The following ABHD3 variants were observed in gnomAD, a reference collection of about 807,000 sequenced individuals.
ABHD3 encodes the protein phospholipase ABHD3.
ABHD3 carries 46 observed loss-of-function variants against 48.8 expected under a neutral mutation model. That is an observed-to-expected ratio of 0.94 (90% CI 0.74 to 1.20). ABHD3 has a LOEUF of 1.20. ABHD3 is among the 50% of genes most tolerant of loss of function. The pLI, the probability that ABHD3 is intolerant of heterozygous loss-of-function variation, is 0.00. For missense variants in ABHD3, 490 were observed against 497.8 expected, an observed-to-expected ratio of 0.98 and a Z score of 0.15; for synonymous variants, 192 against 183.7, an observed-to-expected ratio of 1.04 and a Z score of -0.36.
chr18:21,656,829 T>C lies in ABHD3; in HGVS notation c.1057+32A>G, dbSNP rs778872781. ...TAACAATATATTAAAAGTTGATTCA[T>C]GTCAAAATATATACAAATATGTTAA... On this transcript the variant is annotated intron_variant, in intron 8 of 8. Transcript: ENST00000289119. 7.2e-6 allele frequency: 11 copies of C among 1,525,458 alleles called. No homozygotes were observed. The Admixed American group carries it at 2.1e-4, about 29-fold the overall frequency. 94.5% of individuals were successfully genotyped at this position (1,525,458 alleles called of 1,614,324 possible).
chr18:21,681,001 T>C (rs1161803400), intron 4 of ABHD3, among the ~76,000 whole-genome samples: 1 of 151,972 alleles, frequency 6.6e-6, no homozygotes, highest in East Asian at 1.9e-4. Context: ...GTGTTGGGAT[T>C]GCAGGTGTGA....
intron 3 of ABHD3, among the ~76,000 whole-genome samples, chr18:21,690,760 C>T (rs2040232670): frequency 1.3e-5 from 2 of 151,302 alleles, no homozygotes; most frequent in African/African-American, 2.4e-5. Context: ...TTTGGGAGGC[C>T]GAGGCAGGTG....
Position 21,656,748 on chromosome 18 carries a change from G to A in ABHD3, c.1057+113C>T, listed in dbSNP as rs916424345. ...TTAGATACTGTGTTATGAGTATCTA[G>A]TTTTTTTATCATAATGGAAATGACA... On this transcript the variant is annotated intron_variant, in intron 8 of 8. Transcript: ENST00000289119. 3.7e-6 allele frequency: 4 copies of A among 1,090,366 alleles called. No individual in the cohort carries two copies. In the African/African-American group the frequency reaches 6.4e-5, roughly 17 times the overall value. 67.5% of individuals were successfully genotyped at this position (1,090,366 alleles called of 1,614,324 possible). A position where few individuals can be genotyped will look rare whatever the true frequency, so the allele number is the denominator to read the frequency against.
chr18:21,691,359 G>C (rs1350700203), intron 3 of ABHD3, among the ~76,000 whole-genome samples: 1 of 152,122 alleles, frequency 6.6e-6, no homozygotes, highest in African/African-American at 2.4e-5. Context: ...AGATAAAAGT[G>C]AGCTATAGTC....
chr18:21,700,702 C>T (rs932971996), intron 3 of ABHD3, among the ~76,000 whole-genome samples: 15 of 151,892 alleles, frequency 9.9e-5, no homozygotes, highest in African/African-American at 3.4e-4. Context: ...ACCTGGCCCA[C>T]GTTGTTTTTA....
At chr18:21,659,962 CTTTT>C (rs60634505) in intron 5 of ABHD3, among the ~76,000 whole-genome samples, 2 of 73,860 alleles carry the variant, frequency 2.7e-5, no homozygotes, top group Admixed American at 1.8e-4. Flanking sequence ...TGCACCCGGC[CTTTT>C]TTTTTTTTTT....
chr18:21,666,789 T>C (rs2039641746), intron 4 of ABHD3, among the ~76,000 whole-genome samples: 1 of 152,208 alleles, frequency 6.6e-6, no homozygotes, highest in African/African-American at 2.4e-5. Context: ...ATAAGGGCTC[T>C]GTTTATAGCA....
chr18:21,654,221 AT>A lies in ABHD3; in HGVS notation c.1058-2459del, dbSNP rs1367925070. ...CAACAGAGCAAGATCCTGTCTCCAA[AT>A]ATATATATATAATGTGATTGATGCA... On this transcript the variant is annotated intron_variant, in intron 8 of 8. Transcript: ENST00000289119. Among the ~76,000 whole-genome samples, 20 of 151,626 alleles carry A rather than the reference AT, an allele frequency of 1.3e-4. No homozygotes were observed. In the East Asian group the frequency reaches 3.9e-3, roughly 29 times the overall value.
chr18:21,686,760 G>A (rs1323717688), intron 3 of ABHD3, among the ~76,000 whole-genome samples: 1 of 152,162 alleles, frequency 6.6e-6, no homozygotes, highest in Non-Finnish European at 1.5e-5. Flanking sequence ...CAGAAAGAAG[G>A]CTGCCATCCT....
intron 3 of ABHD3, among the ~76,000 whole-genome samples, chr18:21,700,607 C>T (rs1272764228): frequency 6.6e-6 from 1 of 150,556 alleles, no homozygotes; most frequent in Non-Finnish European, 1.5e-5. Context: ...ACCATGTTGG[C>T]CAAGTTGGTC....
intron 3 of ABHD3, among the ~76,000 whole-genome samples, chr18:21,685,113 T>G (rs1335321536): frequency 6.6e-6 from 1 of 152,230 alleles, no homozygotes; most frequent in Non-Finnish European, 1.5e-5. Context: ...GACAAAATCT[T>G]GATTTGTGTC....
chr18:21,696,589 G>A (rs548881650), intron 3 of ABHD3, among the ~76,000 whole-genome samples: 3 of 152,266 alleles, frequency 2.0e-5, no homozygotes, highest in East Asian at 3.9e-4. Context: ...GAATGGTAAA[G>A]TTTCTAACTA....
chr18:21,680,880 GTA>G (rs781349840), intron 4 of ABHD3, among the ~76,000 whole-genome samples: 143 of 147,232 alleles, frequency 9.7e-4, no homozygotes, highest in African/African-American at 2.5e-3. Context: ...GTGTGTGTGT[GTA>G]TATATATATA....
intron 5 of ABHD3, among the ~76,000 whole-genome samples, chr18:21,662,909 A>G (rs1318993893): frequency 1.3e-5 from 2 of 152,216 alleles, no homozygotes; most frequent in Non-Finnish European, 2.9e-5. Flanking sequence ...CGTTTATATG[A>G]TTAAGGGAAA....
rs145138728 is a variant in ABHD3 at position 21,656,962 on chromosome 18, T to C, written c.956A>G (p.Asp319Gly). 8.6e-5 allele frequency: 139 copies of C among 1,614,114 alleles called. 1 individual carries two copies. In the African/African-American group the frequency reaches 1.7e-3, roughly 19 times the overall value. ...TSVMFGYQTIDDYYTDASPSP... is the reference protein window; with the variant it reads ...TSVMFGYQTIGDYYTDASPSP... ...CGGACTGGCATCAGTATAATAATCA[T>C]CAATTGTTTGGTATCCAAACATGAC... Residue 319 changes from aspartate to glycine, a missense_variant, in exon 8 of 9, where the codon GAT becomes GGT. By Grantham distance (94) the Asp-to-Gly change is moderately conservative. Coordinates refer to ENST00000289119, the MANE Select transcript of ABHD3 (RefSeq NM_138340.5).
Position 21,694,558 on chromosome 18 carries a change from AGT to A in ABHD3, c.509+7756_509+7757del, listed in dbSNP as rs1491452212. Among the ~76,000 whole-genome samples, 10 of 152,352 alleles carry A rather than the reference AGT, an allele frequency of 6.6e-5. No individual in the cohort carries two copies. In the East Asian group the frequency reaches 1.9e-3, roughly 29 times the overall value. On this transcript the variant is annotated intron_variant, in intron 3 of 8. Coordinates refer to ENST00000289119, the MANE Select transcript of ABHD3 (RefSeq NM_138340.5). ...TTCTGTCAAACCATACCAAAAAATT[AGT>A]TTTTTCTCTAAGTAGGAAATAAAGT...
intron 1 of ABHD3, among the ~76,000 whole-genome samples, 161 bp downstream of exon 1, chr18:21,704,343 G>A (rs1048147185): frequency 3.3e-5 from 5 of 151,884 alleles, no homozygotes; most frequent in African/African-American, 1.2e-4. Flanking sequence ...AACGGGCGGG[G>A]CCTGTTGGCT....
intron 8 of ABHD3, among the ~76,000 whole-genome samples, chr18:21,656,476 C>T (rs1394047018): frequency 6.6e-6 from 1 of 152,120 alleles, no homozygotes; most frequent in Non-Finnish European, 1.5e-5. Context: ...AGTTCTCTTC[C>T]AGATTAAAAG....
rs371189139 is a variant in ABHD3 at position 21,658,441 on chromosome 18, G to C, written c.842+729C>G. Among the ~76,000 whole-genome samples, 34 of 152,214 alleles carry C rather than the reference G, an allele frequency of 2.2e-4. 3 individuals are homozygous for C. The South Asian group carries it at 7.1e-3, about 32-fold the overall frequency. On this transcript the variant is annotated intron_variant, in intron 6 of 8. Transcript: ENST00000289119. ...CCAGGAAAGACTTAGGTATTACTAAGATTAGCAACAAGTAGAAAATCCAGG... is the reference window on the plus strand; with the variant it reads ...CCAGGAAAGACTTAGGTATTACTAACATTAGCAACAAGTAGAAAATCCAGG...
Sources: gnomAD v4.1 joint callset for allele counts (sites outside exome capture counted in the v4.1 genomes callset) on GRCh38, gnomAD v4.1.1 for gene constraint, MANE v1.5 for transcripts, NCBI Gene and HGNC (gene_info 2026-07-23, HGNC 2026-07-21) for gene names.